The following LURAP1L variants were observed in gnomAD, a reference collection of about 807,000 sequenced individuals.
LURAP1L encodes leucine rich adaptor protein 1-like.
LURAP1L carries 12 observed loss-of-function variants against 13.8 expected under a neutral mutation model. The observed-to-expected ratio is 0.87, with a 90% confidence interval of 0.56 to 1.41. The LOEUF (loss-of-function observed/expected upper bound fraction) is 1.41. Ranked by LOEUF, LURAP1L falls within the 40% of genes most tolerant of loss-of-function variation. The pLI is 0.00. For missense variants in LURAP1L, 375 were observed against 292.9 expected, an observed-to-expected ratio of 1.28 and a Z score of -2.04; for synonymous variants, 139 against 119.2, an observed-to-expected ratio of 1.17 and a Z score of -1.08.
chr9:12,821,343 G>C (rs1586889797), intron 1 of LURAP1L, 43 bp from the exon 2 acceptor site: 2 of 1,579,202 alleles, frequency 1.3e-6, no homozygotes, highest in Non-Finnish European at 1.7e-6. Flanking sequence ...CCTTTCGAGA[G>C]TGTAAAATGG....
At chr9:12,792,079 T>C (rs2118492499) in intron 1 of LURAP1L, among the ~76,000 whole-genome samples, 1 of 152,254 alleles carries the variant, frequency 6.6e-6, no homozygotes, top group East Asian at 1.9e-4. Context: ...CTCACCTTTC[T>C]ATTGGATTAA....
chr9:12,788,142 G>A (rs1001427937), intron 1 of LURAP1L, among the ~76,000 whole-genome samples: 3 of 37,862 alleles, frequency 7.9e-5, no homozygotes, highest in African/African-American at 4.3e-4. Context: ...AGGAAAGAAA[G>A]AGAAAGAAGA....
intron 1 of LURAP1L, among the ~76,000 whole-genome samples, chr9:12,788,374 C>T (rs1027830815): frequency 6.6e-6 from 1 of 151,812 alleles, no homozygotes; most frequent in Admixed American, 6.6e-5. Flanking sequence ...TCAAAAACAC[C>T]TTTAAAGTTA....
At chr9:12,777,638 C>T (rs1187647514) in intron 1 of LURAP1L, 1 of 903,020 alleles carries the variant, frequency 1.1e-6, no homozygotes, top group East Asian at 1.2e-4. Flanking sequence ...TTTTGCTGGA[C>T]ACTCAGACAC....
chr9:12,794,477 G>A (rs1456765024), intron 1 of LURAP1L, among the ~76,000 whole-genome samples: 1 of 151,988 alleles, frequency 6.6e-6, no homozygotes, highest in African/African-American at 2.4e-5. Context: ...AGTTACTCAA[G>A]TGCATTAACT....
chr9:12,817,742 T>C (rs1312820078), intron 1 of LURAP1L, among the ~76,000 whole-genome samples: 1 of 152,178 alleles, frequency 6.6e-6, no homozygotes, highest in Non-Finnish European at 1.5e-5. Flanking sequence ...TCATTAAGAC[T>C]GAAATGAATA....
intron 1 of LURAP1L, among the ~76,000 whole-genome samples, chr9:12,817,414 T>A (rs1296110064): frequency 6.6e-6 from 1 of 152,230 alleles, no homozygotes; most frequent in Non-Finnish European, 1.5e-5. Context: ...CACTCTGTGG[T>A]GCTTCCATGC....
At chr9:12,795,850 T>G (rs1311551483) in intron 1 of LURAP1L, among the ~76,000 whole-genome samples, 1 of 152,016 alleles carries the variant, frequency 6.6e-6, no homozygotes, top group Non-Finnish European at 1.5e-5. Flanking sequence ...GGAATAGTCA[T>G]AAACAAGAAA....
intron 1 of LURAP1L, among the ~76,000 whole-genome samples, chr9:12,788,909 A>T (rs75238437): frequency 0.041 from 6,230 of 150,476 alleles, 467 homozygotes; most frequent in African/African-American, 0.14. Flanking sequence ...ATATATATAT[A>T]TATTTTTAAT....
chr9:12,812,937 A>G (rs1377172244), intron 1 of LURAP1L, among the ~76,000 whole-genome samples: 1 of 152,194 alleles, frequency 6.6e-6, no homozygotes, highest in Non-Finnish European at 1.5e-5. Flanking sequence ...AGTTTTTGAA[A>G]TCTTTCCAGA....
At chr9:12,791,286 T>C (rs1819437214) in intron 1 of LURAP1L, among the ~76,000 whole-genome samples, 1 of 152,126 alleles carries the variant, frequency 6.6e-6, no homozygotes, top group African/African-American at 2.4e-5. Flanking sequence ...ATATGAAAAA[T>C]GGCTACCACA....
At chr9:12,805,466 G>A (rs1819643237) in intron 1 of LURAP1L, among the ~76,000 whole-genome samples, 1 of 152,014 alleles carries the variant, frequency 6.6e-6, no homozygotes, top group Non-Finnish European at 1.5e-5. Flanking sequence ...ACCACCTACA[G>A]GACTTGAAAT....
Position 12,786,581 on chromosome 9 carries a change from T to TATATATATATATATATATATATAAAC in LURAP1L, c.312+10555_312+10556insTATATATATATATATATATATAAACA, listed in dbSNP as rs61134838. Reference sequence around the variant, plus strand: ...ATATATATATATATATATATATATATAAACCCTTGTGCCTTAAGTCTGTAT... The same window carrying TATATATATATATATATATATATAAAC: ...ATATATATATATATATATATATATATATATATATATATATATATATATAAACAAACCCTTGTGCCTTAAGTCTGTAT... On this transcript the variant is annotated intron_variant, in intron 1 of 1. Coordinates refer to ENST00000319264, the MANE Select transcript of LURAP1L (RefSeq NM_203403.2). 4.9e-4 allele frequency among the ~76,000 whole-genome samples: 60 copies of TATATATATATATATATATATATAAAC among 121,386 alleles called. 1 individual carries two copies. Among genetic ancestry groups the TATATATATATATATATATATATAAAC allele is most frequent in the Non-Finnish European group, 9.1e-4 (50 of 55,174 alleles). The allele number at this position is 121,386 out of a possible 152,430, so 79.6% of individuals were successfully genotyped here.
intron 1 of LURAP1L, among the ~76,000 whole-genome samples, chr9:12,778,745 C>T (rs1161808032): frequency 6.6e-6 from 1 of 152,214 alleles, no homozygotes; most frequent in Non-Finnish European, 1.5e-5. Flanking sequence ...TTAAATTTAA[C>T]TTTTATTAAA....
At chr9:12,784,303 C>T (rs1819319022) in intron 1 of LURAP1L, among the ~76,000 whole-genome samples, 2 of 152,100 alleles carry the variant, frequency 1.3e-5, no homozygotes. Context: ...TTATTGTAGT[C>T]TTCATAGTCT....
intron 1 of LURAP1L, among the ~76,000 whole-genome samples, chr9:12,782,929 T>G (rs1168070198): frequency 6.6e-6 from 1 of 152,162 alleles, no homozygotes; most frequent in Non-Finnish European, 1.5e-5. Flanking sequence ...GTAGAGATCT[T>G]TTACTTCTTT....
chr9:12,808,142 TTC>T (rs1819686267), intron 1 of LURAP1L, among the ~76,000 whole-genome samples: 2 of 134,596 alleles, frequency 1.5e-5, no homozygotes, highest in African/African-American at 5.0e-5. Context: ...ATATTTTACC[TTC>T]TTTTTTTCTT....
chr9:12,805,240 T>G (rs996101248), intron 1 of LURAP1L, among the ~76,000 whole-genome samples: 1 of 152,162 alleles, frequency 6.6e-6, no homozygotes, highest in Non-Finnish European at 1.5e-5. Context: ...TTCTTTATTT[T>G]ATGAGAATTC....
At chr9:12,789,096 A>G (rs1032190521) in intron 1 of LURAP1L, among the ~76,000 whole-genome samples, 7 of 151,312 alleles carry the variant, frequency 4.6e-5, no homozygotes, top group Non-Finnish European at 8.8e-5. Context: ...CCCCCAAAAA[A>G]AAAAGAAAAG....
Sources: gnomAD v4.1 joint callset for allele counts (sites outside exome capture counted in the v4.1 genomes callset) on GRCh38, gnomAD v4.1.1 for gene constraint, MANE v1.5 for transcripts, NCBI Gene and HGNC (gene_info 2026-07-23, HGNC 2026-07-21) for gene names.